The following SPPL3 variants were observed in gnomAD, a reference collection of about 807,000 sequenced individuals.
SPPL3 encodes signal peptide peptidase like 3, also known as signal peptide peptidase-like 3.
A neutral mutation model predicts 42.4 loss-of-function variants in SPPL3; 5 were observed. The ratio of observed to expected loss-of-function variants is 0.12; its 90% confidence interval spans 0.06 to 0.25. SPPL3 has a LOEUF of 0.25. Ranked by LOEUF, SPPL3 falls within the 10% of genes least tolerant of loss-of-function variation. SPPL3 has a pLI of 1.00. For synonymous variants in SPPL3, 195 were observed against 181.8 expected (o/e 1.07, Z -0.58); for missense variants, 235 against 489.0 (o/e 0.48, Z 4.90).
At chr12:120,785,494 G>A (rs911462900) in intron 3 of SPPL3, among the ~76,000 whole-genome samples, 1 of 151,962 alleles carries the variant, frequency 6.6e-6, no homozygotes, top group African/African-American at 2.4e-5. Flanking sequence ...ATCTAGGGTT[G>A]AGAACCATTA....
intron 2 of SPPL3, among the ~76,000 whole-genome samples, chr12:120,804,118 T>A (rs1870414937): frequency 6.6e-6 from 1 of 152,138 alleles, no homozygotes; most frequent in African/African-American, 2.4e-5. Context: ...ACTGCCCTCA[T>A]TACCTAAGAA....
At chr12:120,814,102 T>C (rs919954372) in intron 1 of SPPL3, among the ~76,000 whole-genome samples, 5 of 152,134 alleles carry the variant, frequency 3.3e-5, no homozygotes, top group African/African-American at 1.2e-4. Flanking sequence ...AAAAAAAAGG[T>C]AGACTTTTTA....
intron 1 of SPPL3, among the ~76,000 whole-genome samples, chr12:120,871,741 G>T (rs532453777): frequency 1.3e-5 from 2 of 151,844 alleles, no homozygotes; most frequent in Non-Finnish European, 2.9e-5. Context: ...TGACAAGAAT[G>T]AAACTCCGTC....
chr12:120,894,982 C>T (rs1485162728), intron 1 of SPPL3, among the ~76,000 whole-genome samples: 1 of 152,078 alleles, frequency 6.6e-6, no homozygotes, highest in Non-Finnish European at 1.5e-5. Flanking sequence ...AACCTGCTAA[C>T]AGCTCCTCCT....
intron 1 of SPPL3, among the ~76,000 whole-genome samples, chr12:120,815,563 C>T (rs1198416198): frequency 6.6e-6 from 1 of 152,190 alleles, no homozygotes; most frequent in South Asian, 2.1e-4. Context: ...TATTTTGAAG[C>T]ATATTGTCAC....
chr12:120,848,511 G>A (rs950279509), intron 1 of SPPL3, among the ~76,000 whole-genome samples: 17 of 152,134 alleles, frequency 1.1e-4, no homozygotes, highest in Non-Finnish European at 2.1e-4. Flanking sequence ...GAATGGCAAG[G>A]ATTTACTTTA....
In SPPL3 at chr12:120,839,943, A is replaced by G. The variant is rs1871753455; in HGVS notation, c.24-29057T>C. On this transcript the variant is annotated intron_variant, in intron 1 of 10. Coordinates refer to ENST00000353487, the MANE Select transcript of SPPL3 (RefSeq NM_139015.5). The stretch of plus-strand genomic sequence containing the variant: ...AATGTCCACCACTGAGAAATAAACA[A>G]ATTGTGCTATATCCATGCAATGGAA... 1.3e-5 allele frequency among the ~76,000 whole-genome samples: 2 copies of G among 152,160 alleles called. 1 individual carries two copies. Among genetic ancestry groups the G allele is most frequent in the South Asian group, 4.1e-4 (2 of 4,832 alleles).
intron 1 of SPPL3, among the ~76,000 whole-genome samples, chr12:120,843,080 G>C (rs997308820): frequency 6.6e-6 from 1 of 152,130 alleles, no homozygotes; most frequent in Non-Finnish European, 1.5e-5. Flanking sequence ...GCAGATACAA[G>C]AGGACCTCTG....
chr12:120,890,823 G>T (rs1041658220), intron 1 of SPPL3, among the ~76,000 whole-genome samples: 2 of 152,078 alleles, frequency 1.3e-5, no homozygotes, highest in Non-Finnish European at 2.9e-5. Flanking sequence ...AAGTCAACAG[G>T]CCTTATTATT....
rs71453512 is a variant in SPPL3, at chr12:120,871,130, CA to C, written c.23+32714del. Among the ~76,000 whole-genome samples the C allele has an allele frequency of 5.6e-4, 29 of 51,686 alleles. 2 individuals carry two copies. Among genetic ancestry groups the C allele is most frequent in the East Asian group, 4.0e-3 (4 of 1,002 alleles). 33.9% of individuals were successfully genotyped at this position (51,686 alleles called of 152,430 possible). On this transcript the variant is annotated intron_variant, in intron 1 of 10. Coordinates refer to ENST00000353487, the MANE Select transcript of SPPL3 (RefSeq NM_139015.5). ...GGGCGACAGAGTGAGACTCCGTCTC[CA>C]AAAAAAAAAAAAAAAAAAGAAAAAG...
intron 3 of SPPL3, among the ~76,000 whole-genome samples, chr12:120,788,470 T>G (rs1035138963): frequency 5.9e-5 from 9 of 152,344 alleles, no homozygotes; most frequent in African/African-American, 1.9e-4. Context: ...TCTGATTTTT[T>G]GGGGCATGAG....
intron 1 of SPPL3, among the ~76,000 whole-genome samples, chr12:120,895,754 A>C (rs1024589488): frequency 3.3e-5 from 5 of 151,602 alleles, no homozygotes; most frequent in Non-Finnish European, 7.4e-5. Context: ...CTAAATCCTC[A>C]CAACGACCCT....
chr12:120,833,212 C>A (rs1320395691), intron 1 of SPPL3, among the ~76,000 whole-genome samples: 3 of 151,884 alleles, frequency 2.0e-5, no homozygotes, highest in African/African-American at 7.3e-5. Context: ...GCAAAGGGTA[C>A]AATAAGAACG....
rs562503820 is a variant in SPPL3 at position 120,869,014 on chromosome 12, T to TAC, written c.23+34829_23+34830dup. Among the ~76,000 whole-genome samples, 72 of 152,288 alleles carry TAC rather than the reference T, an allele frequency of 4.7e-4. No homozygotes were observed. The South Asian group carries it at 9.5e-3, about 20-fold the overall frequency. On this transcript the variant is annotated intron_variant, in intron 1 of 10. Transcript: ENST00000353487. ...TTATATTGAAATTATATTAATAGTC[T>TAC]ACATAACTTAAAAAATTACAATGTC...
At chr12:120,798,292 A>T (rs1279075946) in intron 2 of SPPL3, among the ~76,000 whole-genome samples, 4 of 152,212 alleles carry the variant, frequency 2.6e-5, no homozygotes, top group Non-Finnish European at 5.9e-5. Context: ...ATATTTCTCC[A>T]GCCATCAGAG....
Position 120,765,003 on chromosome 12 carries a change from A to G in SPPL3, c.1151T>C (p.Val384Ala). The change falls in exon 11 of 11, where the codon GTA (valine) becomes GCA (alanine). Residue 384 changes from valine to alanine, a missense_variant. Physicochemically the swap from Val to Ala is moderately conservative, Grantham distance 64. Coordinates refer to ENST00000353487, the MANE Select transcript of SPPL3 (RefSeq NM_139015.5). Reference protein sequence around the residue: ...SKSSSSRFLEV With the variant: ...SKSSSSRFLEA ...GGTCACTTTCCACGTGATCCATCAT[A>G]CTTCCAGGAATCGGGAGCTGCTGGA... The G allele has an allele frequency of 6.2e-7, 1 of 1,613,872 alleles. No individual in the cohort carries two copies. Among genetic ancestry groups the G allele is most frequent in the Non-Finnish European group, 8.5e-7 (1 of 1,179,896 alleles).
At chr12:120,776,069 G>A (rs1476550590) in intron 6 of SPPL3, among the ~76,000 whole-genome samples, 2 of 152,154 alleles carry the variant, frequency 1.3e-5, no homozygotes, top group Non-Finnish European at 2.9e-5. Context: ...TCAAACACTA[G>A]TCTGAGAAAC....
At chr12:120,820,301 T>C (rs920494305) in intron 1 of SPPL3, among the ~76,000 whole-genome samples, 5 of 148,402 alleles carry the variant, frequency 3.4e-5, no homozygotes, top group African/African-American at 1.3e-4. Flanking sequence ...TGTATCTTTC[T>C]CTAAATTTTT....
intron 1 of SPPL3, among the ~76,000 whole-genome samples, chr12:120,819,394 GA>G (rs1870980125): frequency 6.6e-6 from 1 of 152,108 alleles, no homozygotes; most frequent in Admixed American, 6.5e-5. Flanking sequence ...TACAATATCT[GA>G]AAAATCATAT....
Sources: gnomAD v4.1 joint callset for allele counts (sites outside exome capture counted in the v4.1 genomes callset) on GRCh38, gnomAD v4.1.1 for gene constraint, MANE v1.5 for transcripts, NCBI Gene and HGNC (gene_info 2026-07-23, HGNC 2026-07-21) for gene names.